Variants in SULT1C3 observed in about 807,000 individuals in gnomAD.
The protein encoded by SULT1C3 is sulfotransferase family 1C member 3.
SULT1C3 carries 31 observed loss-of-function variants against 28.4 expected under a neutral mutation model. The observed-to-expected ratio is 1.09, with a 90% CI of 0.82 to 1.47. The LOEUF is 1.47. Ranked by LOEUF, SULT1C3 falls within the 40% of genes most tolerant of loss-of-function variation. The probability of loss-of-function intolerance (pLI) is 0.00; values close to 1 mark genes in which losing one functional copy is unlikely to be tolerated. For missense variants in SULT1C3, 307 were observed against 272.5 expected, an observed-to-expected ratio of 1.13 and a Z score of -0.89; for synonymous variants, 106 against 92.2, an observed-to-expected ratio of 1.15 and a Z score of -0.86.
intron 5 of SULT1C3, among the ~76,000 whole-genome samples, chr2:108,256,943 C>T (rs543454556): frequency 6.6e-6 from 1 of 152,070 alleles, no homozygotes; most frequent in South Asian, 2.1e-4. Context: ...GTTTTGAGAG[C>T]AGGAAAAGTA....
chr2:108,259,027 T>G lies in SULT1C3; in HGVS notation c.683T>G (p.Val228Gly), dbSNP rs2104392689. 1 of 324,976 alleles carries G rather than the reference T, an allele frequency of 3.1e-6. No homozygotes were observed. The highest frequency in any genetic ancestry group is 6.7e-6 in the Non-Finnish European group (1 of 149,772). 20.1% of individuals were successfully genotyped at this position (324,976 alleles called of 1,614,324 possible). ...TTGGAGAAAACTTGGTCAGGTGATG[T>G]TATAAACAAGATTGTCCACCATACC... ...EFLEKTWSGDVINKIVHHTSF... is the reference protein window; with the variant it reads ...EFLEKTWSGDGINKIVHHTSF... The change falls in exon 7 of 8, where the codon GTT (valine) becomes GGT (glycine). Residue 228 changes from valine (V) to glycine (G), a missense_variant. Transcript: ENST00000681802.
intron 1 of SULT1C3, among the ~76,000 whole-genome samples, chr2:108,241,096 C>T (rs1226988844): frequency 2.0e-5 from 3 of 152,262 alleles, no homozygotes; most frequent in Non-Finnish European, 4.4e-5. Flanking sequence ...AGTGACATTC[C>T]TGACTGACCA....
At chr2:108,260,115 G>A (rs1056219906) in intron 7 of SULT1C3, among the ~76,000 whole-genome samples, 12 of 152,234 alleles carry the variant, frequency 7.9e-5, no homozygotes, top group African/African-American at 2.6e-4. Context: ...GTATCCAAAT[G>A]TCATTTCCAG....
At chr2:108,261,911 G>A (rs149400332), downstream of SULT1C3, among the ~76,000 whole-genome samples, 2 of 152,202 alleles carry the variant, frequency 1.3e-5, no homozygotes, top group East Asian at 3.9e-4. Context: ...TAGATGATGA[G>A]ATTTTAAGAA....
downstream of SULT1C3, among the ~76,000 whole-genome samples, chr2:108,263,206 A>G (rs1177628577): frequency 6.6e-6 from 1 of 151,166 alleles, no homozygotes; most frequent in African/African-American, 2.4e-5. Flanking sequence ...TCAGAGCCCC[A>G]ATAAAACTTA....
At chr2:108,249,235 C>T (rs1328780254) in intron 2 of SULT1C3, among the ~76,000 whole-genome samples, 3 of 152,000 alleles carry the variant, frequency 2.0e-5, no homozygotes, top group East Asian at 3.9e-4. Flanking sequence ...ACTCATGAAG[C>T]TTGTGGTAAT....
chr2:108,253,336 T>G lies in SULT1C3; in HGVS notation c.302-9T>G. The G allele has an allele frequency of 6.7e-7, 1 of 1,503,154 alleles. No individual in the cohort carries two copies. The highest frequency in any genetic ancestry group is 8.9e-7 in the Non-Finnish European group (1 of 1,123,564). 93.1% of individuals were successfully genotyped at this position (1,503,154 alleles called of 1,614,324 possible). A position where few individuals can be genotyped will look rare whatever the true frequency, so the allele number is the denominator to read the frequency against. ...GAATAAACAAAGAATATAAATTGTTTCTTGCTAGATTTGGAGTTCGTTCTT... is the reference window on the plus strand; with the variant it reads ...GAATAAACAAAGAATATAAATTGTTGCTTGCTAGATTTGGAGTTCGTTCTT... On this transcript the variant is annotated splice_polypyrimidine_tract_variant and intron_variant, in intron 3 of 7. Transcript: ENST00000681802.
intron 2 of SULT1C3, among the ~76,000 whole-genome samples, chr2:108,248,772 G>GTTA (rs1325140258): frequency 1.3e-5 from 2 of 152,062 alleles, no homozygotes; most frequent in Non-Finnish European, 1.5e-5. Context: ...TTAGTCCTCT[G>GTTA]TTATTACATC....
At chr2:108,263,801 C>T (rs537496318), downstream of SULT1C3, among the ~76,000 whole-genome samples, 2 of 152,296 alleles carry the variant, frequency 1.3e-5, no homozygotes, top group East Asian at 3.9e-4. Flanking sequence ...TCCTCAAAAG[C>T]TCTAACTACT....
intron 1 of SULT1C3, among the ~76,000 whole-genome samples, chr2:108,245,262 T>A (rs762862357): frequency 2.0e-5 from 3 of 152,142 alleles, no homozygotes; most frequent in Non-Finnish European, 1.5e-5. Context: ...GTCTTCTGCC[T>A]TTTATTTCCC....
At chr2:108,246,913 C>T (rs1042837584) in intron 1 of SULT1C3, among the ~76,000 whole-genome samples, 1 of 152,182 alleles carries the variant, frequency 6.6e-6, no homozygotes, top group Non-Finnish European at 1.5e-5. Context: ...TCAGCCCCAA[C>T]AGGTATTGAT....
chr2:108,253,278 A>G (rs1460111274), intron 3 of SULT1C3, 67 bp from the exon 4 acceptor site: 3 of 1,022,412 alleles, frequency 2.9e-6, no homozygotes, highest in East Asian at 5.2e-5. Context: ...ACAAAGATAT[A>G]AATGGAATTC....
chr2:108,262,094 G>A (rs1276903772), downstream of SULT1C3, among the ~76,000 whole-genome samples: 1 of 152,078 alleles, frequency 6.6e-6, no homozygotes, highest in East Asian at 1.9e-4. Context: ...CTCATATTTA[G>A]TTGGTGATCC....
chr2:108,244,888 T>C lies in SULT1C3; in HGVS notation c.-7-2300T>C, dbSNP rs571841425. Among the ~76,000 whole-genome samples the C allele has an allele frequency of 3.9e-4, 60 of 152,256 alleles. 1 individual carries two copies. In the South Asian group the frequency reaches 0.012, roughly 31 times the overall value. Reference sequence around the variant, plus strand: ...TTTTGCAACACTTGCAAAGGTCTAGTACAAAGGCCACACTCTTGTGCAAAA... The same window carrying C: ...TTTTGCAACACTTGCAAAGGTCTAGCACAAAGGCCACACTCTTGTGCAAAA... On this transcript the variant is annotated intron_variant, in intron 1 of 7. Transcript: ENST00000681802.
chr2:108,250,078 T>C (rs949114598), intron 2 of SULT1C3, among the ~76,000 whole-genome samples: 1 of 151,990 alleles, frequency 6.6e-6, no homozygotes, highest in Non-Finnish European at 1.5e-5. Flanking sequence ...TTAATGTAAA[T>C]TCAATATAAA....
At chr2:108,261,145 A>C (rs1278626758), downstream of SULT1C3, among the ~76,000 whole-genome samples, 1 of 152,184 alleles carries the variant, frequency 6.6e-6, no homozygotes, top group Admixed American at 6.6e-5. Context: ...AGTACATTTC[A>C]GAGTCACCAT....
Position 108,255,649 on chromosome 2 carries a change from T to G in SULT1C3, c.477T>G (p.Pro159=), listed in dbSNP as rs1311428388. ...TTCACAGGATGGCTTCCTTTATGCC[T>G]GATCCTCAGAACTTAGAGGAATTTT... ...YHFHRMASFM[P]DPQNLEEFYE... is the part of the protein sequence containing the mutation. The change falls in exon 5 of 8, where the codon CCT becomes CCG. Residue 159 remains proline, a synonymous_variant. Coordinates refer to ENST00000681802, the MANE Select transcript of SULT1C3 (RefSeq NM_001320878.2). 6.2e-7 allele frequency: 1 copy of G among 1,611,598 alleles called. No homozygotes were observed. Among genetic ancestry groups the G allele is most frequent in the Non-Finnish European group, 8.5e-7 (1 of 1,178,310 alleles).
At position 108,253,480 on chromosome 2, in the gene SULT1C3, G is replaced by A; in HGVS notation, c.399+38G>A. 2.6e-6 allele frequency: 3 copies of A among 1,154,298 alleles called. No homozygotes were observed. In the African/African-American group the frequency reaches 4.7e-5, roughly 18 times the overall value. The allele number at this position is 1,154,298 out of a possible 1,614,324, so 71.5% of individuals were successfully genotyped here. A position where few individuals can be genotyped will look rare whatever the true frequency, so the allele number is the denominator to read the frequency against. On this transcript the variant is annotated intron_variant, in intron 4 of 7. Coordinates refer to ENST00000681802, the MANE Select transcript of SULT1C3 (RefSeq NM_001320878.2). Reference sequence around the variant, plus strand: ...GGCTTTTCAAACTTCTCTTAGCTTGGTGATATAAACTATACAACTGAAGAT... The same window carrying A: ...GGCTTTTCAAACTTCTCTTAGCTTGATGATATAAACTATACAACTGAAGAT...
chr2:108,261,435 T>C (rs1408695376), downstream of SULT1C3, among the ~76,000 whole-genome samples: 1 of 152,078 alleles, frequency 6.6e-6, no homozygotes, highest in Non-Finnish European at 1.5e-5. Flanking sequence ...TAATAAAGAG[T>C]CTCTGTTGCA....
Sources: gnomAD v4.1 joint callset for allele counts (sites outside exome capture counted in the v4.1 genomes callset) on GRCh38, gnomAD v4.1.1 for gene constraint, MANE v1.5 for transcripts, NCBI Gene and HGNC (gene_info 2026-07-23, HGNC 2026-07-21) for gene names.